Variants in EMX2 observed in about 807,000 individuals in gnomAD.
The protein encoded by EMX2 is empty spiracles homeobox 2.
Under a neutral mutation model 23.0 loss-of-function variants are expected in EMX2, and 6 were observed. The ratio of observed to expected loss-of-function variants is 0.26; its 90% CI spans 0.14 to 0.52. EMX2 has a LOEUF of 0.52. Ranked by LOEUF, EMX2 falls within the 20% of genes least tolerant of loss-of-function variation. The pLI is 0.97. For missense variants in EMX2, 302 were observed against 341.4 expected, an observed-to-expected ratio of 0.88 and a Z score of 0.91; for synonymous variants, 175 against 153.3, an observed-to-expected ratio of 1.14 and a Z score of -1.04.
intron 1 of EMX2, chr10:117,544,163 C>T: frequency 4.8e-6 from 1 of 206,928 alleles, no homozygotes; most frequent in Non-Finnish European, 9.7e-6. Flanking sequence ...TAGTCTTCCA[C>T]CCTCTTCTGG....
Position 117,543,221 on chromosome 10 carries a change from C to A in EMX2, c.-47C>A, listed in dbSNP as rs745614991. 60 of 1,408,916 alleles carry A rather than the reference C, an allele frequency of 4.3e-5. No individual in the cohort carries two copies. The highest frequency in any genetic ancestry group is 5.0e-5 in the Non-Finnish European group (54 of 1,076,120). The allele number at this position is 1,408,916 out of a possible 1,614,324, so 87.3% of individuals were successfully genotyped here. A position where few individuals can be genotyped will look rare whatever the true frequency, so the allele number is the denominator to read the frequency against. ...AGCGGGCGGCGGAGGCAGCGTGCGG[C>A]GGTCGCCAGGAGCTGGGAGCCCAGG... On this transcript the variant is annotated 5_prime_UTR_variant, in exon 1 of 3. Coordinates refer to ENST00000553456, the MANE Select transcript of EMX2 (RefSeq NM_004098.4).
At chr10:117,547,916 T>G (rs974967661) in intron 2 of EMX2, 149 bp from the exon 3 acceptor site, 1 of 1,142,596 alleles carries the variant, frequency 8.8e-7, no homozygotes. Flanking sequence ...AGGGCAGGCC[T>G]TGGGGAGGCT....
intron 1 of EMX2, chr10:117,544,240 A>C (rs1240196030): frequency 6.1e-6 from 1 of 163,850 alleles, no homozygotes; most frequent in Non-Finnish European, 1.3e-5. Flanking sequence ...TGCTTTTCGG[A>C]GGCCTGGGGA....
chr10:117,548,202 G>A lies in EMX2; in HGVS notation c.729G>A (p.Pro243=), dbSNP rs1320376136. The A allele has an allele frequency of 1.2e-6, 2 of 1,613,892 alleles. No individual in the cohort carries two copies. The highest frequency in any genetic ancestry group is 1.3e-5 in the African/African-American group (1 of 74,978). ...GAATCGCCACCAAGCAGGCGAGTCC[G>A]GAGGAAATAGACGTGACCTCAGATG... ...RWRIATKQAS[P]EEIDVTSDD is the part of the protein sequence containing the mutation. The change falls in exon 3 of 3, where the codon CCG becomes CCA. Residue 243 remains proline (P), a synonymous_variant. Coordinates refer to ENST00000553456, the MANE Select transcript of EMX2 (RefSeq NM_004098.4).
At chr10:117,544,282 A>T (rs1267192879) in intron 1 of EMX2, 3 of 155,314 alleles carry the variant, frequency 1.9e-5, no homozygotes, top group African/African-American at 4.8e-5. Flanking sequence ...GGAAAGCTCC[A>T]GGGCTTGGCG....
At chr10:117,546,273 C>T (rs1320950553) in intron 2 of EMX2, among the ~76,000 whole-genome samples, 4 of 152,202 alleles carry the variant, frequency 2.6e-5, no homozygotes, top group African/African-American at 9.6e-5. Flanking sequence ...AGTGACTTCC[C>T]TGAAGGAGAT....
chr10:117,543,510 C>T lies in EMX2; in HGVS notation c.243C>T (p.Pro81=), dbSNP rs1846526569. The T allele has an allele frequency of 6.2e-7, 1 of 1,610,334 alleles. No homozygotes were observed. The highest frequency in any genetic ancestry group is 2.2e-5 in the East Asian group (1 of 44,746). ...AGGCGGTCTCGCACCCGCCCAACCC[C>T]GCCGTGCCAGTGCACCCGGTGCCGC... ...FAEAVSHPPN[P]AVPVHPVPPP... is the part of the protein sequence containing the mutation. Residue 81 remains proline (P), a synonymous_variant, in exon 1 of 3, where the codon CCC becomes CCT. Transcript: ENST00000553456.
rs140164453 is a variant in EMX2 at position 117,543,388 on chromosome 10, T to G, written c.121T>G (p.Ser41Ala). ...TCCCGCGGCACTCAGCTACGCTAAC[T>G]CCAGCCCCATAAATCCGTTCCTCAA... ...IRPAALSYAN[S>A]SPINPFLNGF... The change falls in exon 1 of 3, where the codon TCC (serine) becomes GCC (alanine). Residue 41 changes from serine (S) to alanine (A), a missense_variant. Transcript: ENST00000553456. The G allele has an allele frequency of 4.2e-5, 67 of 1,580,974 alleles. No individual in the cohort carries two copies. The African/African-American group carries it at 8.5e-4, about 20-fold the overall frequency.
In EMX2 at chr10:117,543,390, C is replaced by G; in HGVS notation, c.123C>G (p.Ser41=). ...CCGCGGCACTCAGCTACGCTAACTC[C>G]AGCCCCATAAATCCGTTCCTCAACG... The part of the protein sequence containing the change: ...IRPAALSYAN[S]SPINPFLNGF... Residue 41 remains serine (S), a synonymous_variant, in exon 1 of 3, where the codon TCC becomes TCG. Coordinates refer to ENST00000553456, the MANE Select transcript of EMX2 (RefSeq NM_004098.4). 6.3e-7 allele frequency: 1 copy of G among 1,582,528 alleles called. No homozygotes were observed. The highest frequency in any genetic ancestry group is 8.6e-7 in the Non-Finnish European group (1 of 1,165,142).
rs1388037972 is a variant in EMX2 at position 117,549,406 on chromosome 10, G to T, written c.*1174G>T. 2 of 152,732 alleles carry T rather than the reference G, an allele frequency of 1.3e-5. No homozygotes were observed. The highest frequency in any genetic ancestry group is 2.1e-4 in the South Asian group (1 of 4,818). 9.5% of individuals were successfully genotyped at this position (152,732 alleles called of 1,614,324 possible). A position where few individuals can be genotyped will look rare whatever the true frequency, so the allele number is the denominator to read the frequency against. ...AGACTTACTAAAGAGAGTGACAAATGCTTCCTTAATGTCTTCTATACCAGA... is the reference window on the plus strand; with the variant it reads ...AGACTTACTAAAGAGAGTGACAAATTCTTCCTTAATGTCTTCTATACCAGA... On this transcript the variant is annotated 3_prime_UTR_variant, in exon 3 of 3. Coordinates refer to ENST00000553456, the MANE Select transcript of EMX2 (RefSeq NM_004098.4).
rs8192643 is a variant in EMX2 at position 117,543,222 on chromosome 10, G to A, written c.-46G>A. 5.8e-5 allele frequency: 76 copies of A among 1,303,446 alleles called. No individual in the cohort carries two copies. The highest frequency in any genetic ancestry group is 7.1e-5 in the Non-Finnish European group (72 of 1,008,782). 80.7% of individuals were successfully genotyped at this position (1,303,446 alleles called of 1,614,324 possible). A position where few individuals can be genotyped will look rare whatever the true frequency, so the allele number is the denominator to read the frequency against. ...GCGGGCGGCGGAGGCAGCGTGCGGC[G>A]GTCGCCAGGAGCTGGGAGCCCAGGG... On this transcript the variant is annotated 5_prime_UTR_variant, in exon 1 of 3. Coordinates refer to ENST00000553456, the MANE Select transcript of EMX2 (RefSeq NM_004098.4).
At chr10:117,544,781 T>A (rs542380156) in intron 1 of EMX2, 1 of 152,334 alleles carries the variant, frequency 6.6e-6, no homozygotes, top group South Asian at 2.1e-4. Context: ...TTTGTTTGGG[T>A]TTTCGGTGAA....
chr10:117,546,654 C>T lies in EMX2; in HGVS notation c.591+838C>T, dbSNP rs563948675. Reference sequence around the variant, plus strand: ...TGCGGAGCCCGGCACAAGGCGCGGCCCGGCTGATTTCTCCTGGACAGCCGA... The same window carrying T: ...TGCGGAGCCCGGCACAAGGCGCGGCTCGGCTGATTTCTCCTGGACAGCCGA... On this transcript the variant is annotated intron_variant, in intron 2 of 2. Coordinates refer to ENST00000553456, the MANE Select transcript of EMX2 (RefSeq NM_004098.4). 1.2e-3 allele frequency among the ~76,000 whole-genome samples: 185 copies of T among 152,362 alleles called. No individual in the cohort carries two copies. The East Asian group carries it at 0.03, about 25-fold the overall frequency.
chr10:117,545,827 C>A lies in EMX2; in HGVS notation c.591+11C>A, dbSNP rs759280498. On this transcript the variant is annotated intron_variant, in intron 2 of 2. Coordinates refer to ENST00000553456, the MANE Select transcript of EMX2 (RefSeq NM_004098.4). ...CTCACGGAAACTCAGGTGACTGCGG[C>A]CCGGGCGCGAGGAACCCATCTAGGC... is the stretch of plus-strand genomic sequence containing the variant. The A allele has an allele frequency of 3.7e-6, 6 of 1,613,686 alleles. No homozygotes were observed. The South Asian group carries it at 5.5e-5, about 15-fold the overall frequency.
At chr10:117,545,323 G>C in intron 1 of EMX2, 1 of 306,948 alleles carries the variant, frequency 3.3e-6, no homozygotes, top group Non-Finnish European at 6.0e-6. Flanking sequence ...AGCGCCCGGC[G>C]AGGAGGTGGC....
In EMX2 at chr10:117,545,831, G is replaced by A. The variant is rs1465468711; in HGVS notation, c.591+15G>A. ...CGGAAACTCAGGTGACTGCGGCCCG[G>A]GCGCGAGGAACCCATCTAGGCGTGC... On this transcript the variant is annotated intron_variant, in intron 2 of 2. Coordinates refer to ENST00000553456, the MANE Select transcript of EMX2 (RefSeq NM_004098.4). 1.2e-6 allele frequency: 2 copies of A among 1,613,524 alleles called. No homozygotes were observed. The highest frequency in any genetic ancestry group is 1.7e-5 in the Admixed American group (1 of 60,006).
intron 2 of EMX2, among the ~76,000 whole-genome samples, 198 bp from the exon 3 acceptor site, chr10:117,547,867 G>C (rs740734): frequency 0.21 from 31,630 of 152,048 alleles, 3,562 homozygotes; most frequent in South Asian, 0.39. Flanking sequence ...CAGGGAGCTG[G>C]GCTTCTGTTC....
chr10:117,546,824 C>A (rs890471027), intron 2 of EMX2, among the ~76,000 whole-genome samples: 6 of 152,244 alleles, frequency 3.9e-5, no homozygotes, highest in African/African-American at 1.4e-4. Flanking sequence ...AAACTCAAAG[C>A]AAATTAAATT....
chr10:117,543,229 A>T lies in EMX2; in HGVS notation c.-39A>T. On this transcript the variant is annotated 5_prime_UTR_variant, in exon 1 of 3. Transcript: ENST00000553456. Reference sequence around the variant, plus strand: ...GCGGAGGCAGCGTGCGGCGGTCGCCAGGAGCTGGGAGCCCAGGGCGCCCGC... The same window carrying T: ...GCGGAGGCAGCGTGCGGCGGTCGCCTGGAGCTGGGAGCCCAGGGCGCCCGC... 1 of 1,281,926 alleles carries T rather than the reference A, an allele frequency of 7.8e-7. No individual in the cohort carries two copies. Among genetic ancestry groups the T allele is most frequent in the South Asian group, 1.3e-5 (1 of 75,964 alleles). 79.4% of individuals were successfully genotyped at this position (1,281,926 alleles called of 1,614,324 possible).
Sources: gnomAD v4.1 joint callset for allele counts (sites outside exome capture counted in the v4.1 genomes callset) on GRCh38, gnomAD v4.1.1 for gene constraint, MANE v1.5 for transcripts, NCBI Gene and HGNC (gene_info 2026-07-23, HGNC 2026-07-21) for gene names.